Variants in LRPPRC observed in about 807,000 individuals in gnomAD.
LRPPRC encodes leucine rich pentatricopeptide repeat containing.
A neutral mutation model predicts 180.3 loss-of-function variants in LRPPRC; 120 were observed. That is an observed-to-expected ratio of 0.67 (90% CI 0.57 to 0.77). The LOEUF (loss-of-function observed/expected upper bound fraction) is 0.77, where lower values mean the gene tolerates loss of function less well. Among genes scored for constraint, LRPPRC ranks in the 30% least tolerant of loss-of-function variants. LRPPRC has a pLI of 0.00. For missense variants in LRPPRC, 2,012 were observed against 1,657.2 expected (o/e 1.21, Z -3.72); for synonymous variants, 723 against 600.0 (o/e 1.21, Z -3.00).
At chr2:43,893,399 T>C (rs1438175527) in intron 36 of LRPPRC, among the ~76,000 whole-genome samples, 1 of 152,252 alleles carries the variant, frequency 6.6e-6, no homozygotes, top group Non-Finnish European at 1.5e-5. Context: ...TCAGCTGATG[T>C]GGCAAACTTT....
chr2:43,943,007 AAAG>A (rs1156820627), intron 23 of LRPPRC, among the ~76,000 whole-genome samples: 1 of 152,084 alleles, frequency 6.6e-6, no homozygotes, highest in Non-Finnish European at 1.5e-5. Context: ...AAAAGCTGAC[AAAG>A]AAGATCTAGG....
In LRPPRC at chr2:43,899,793, T is replaced by A. The variant is rs114392725; in HGVS notation, c.3570-188A>T. 3.2e-3 allele frequency: 1,919 copies of A among 594,120 alleles called. 27 individuals are homozygous for A. The highest frequency in any genetic ancestry group is 0.031 in the African/African-American group (1,674 of 53,786). The allele number at this position is 594,120 out of a possible 1,614,324, so 36.8% of individuals were successfully genotyped here. A position where few individuals can be genotyped will look rare whatever the true frequency, so the allele number is the denominator to read the frequency against. On this transcript the variant is annotated intron_variant, in intron 32 of 37. Coordinates refer to ENST00000260665, the MANE Select transcript of LRPPRC (RefSeq NM_133259.4). ...GAATCACATTTAAGTAGCAAAAACA[T>A]TCACTAGCTGGTTCGTGCTGCAGTG... is the stretch of plus-strand genomic sequence containing the variant.
At chr2:43,926,047 T>C in intron 25 of LRPPRC, 86 bp from the exon 26 acceptor site, 2 of 782,142 alleles carry the variant, frequency 2.6e-6, no homozygotes, top group South Asian at 1.4e-5. Context: ...TCTTTTCTTA[T>C]GAATTTGCTG....
intron 30 of LRPPRC, among the ~76,000 whole-genome samples, chr2:43,909,401 C>T: frequency 6.6e-6 from 1 of 151,970 alleles, no homozygotes; most frequent in African/African-American, 2.4e-5. Flanking sequence ...GTATGTCAAA[C>T]TCAGAAGCAG....
intron 14 of LRPPRC, among the ~76,000 whole-genome samples, chr2:43,952,644 A>C (rs1445978190): frequency 6.6e-6 from 1 of 152,212 alleles, no homozygotes; most frequent in South Asian, 2.1e-4. Context: ...AAAGTGACCC[A>C]GACTTTGTAC....
intron 30 of LRPPRC, among the ~76,000 whole-genome samples, chr2:43,908,085 T>C (rs1671124099): frequency 6.6e-6 from 1 of 152,124 alleles, no homozygotes; most frequent in East Asian, 1.9e-4. Context: ...AAATCATCAG[T>C]GACAGATATA....
In LRPPRC at chr2:43,943,805, C is replaced by A; in HGVS notation, c.2386G>T (p.Ala796Ser). ...ALSFFHMLNGAALRGEIETVK... is the reference protein window; with the variant it reads ...ALSFFHMLNGSALRGEIETVK... ...GTTTCAATTTCACCTCTTAAAGCTG[C>A]GCCATTTAGCATGTGGAAAAAGGAC... Residue 796 changes from alanine (A) to serine (S), a missense_variant, in exon 23 of 38, where the codon GCA becomes TCA. By Grantham distance (99) the Ala-to-Ser change is moderately conservative. Coordinates refer to ENST00000260665, the MANE Select transcript of LRPPRC (RefSeq NM_133259.4). The A allele has an allele frequency of 6.2e-7, 1 of 1,613,438 alleles. No homozygotes were observed. The highest frequency in any genetic ancestry group is 8.5e-7 in the Non-Finnish European group (1 of 1,179,440).
Position 43,960,622 on chromosome 2 carries a change from G to T in LRPPRC, c.1501C>A (p.Leu501Met). 1 of 1,582,362 alleles carries T rather than the reference G, an allele frequency of 6.3e-7. No individual in the cohort carries two copies. Among genetic ancestry groups the T allele is most frequent in the Non-Finnish European group, 8.7e-7 (1 of 1,152,956 alleles). ...ARAILQENGC[L>M]SDSDMFSQAG... ...TGAGAAAACATATCACTATCAGACAGACATCCATTTTCCTGGAGATAAAGC... is the reference window on the plus strand; with the variant it reads ...TGAGAAAACATATCACTATCAGACATACATCCATTTTCCTGGAGATAAAGC... The change falls in exon 13 of 38, where the codon CTG (leucine) becomes ATG (methionine). Residue 501 changes from leucine to methionine, a missense_variant. Coordinates refer to ENST00000260665, the MANE Select transcript of LRPPRC (RefSeq NM_133259.4).
intron 23 of LRPPRC, among the ~76,000 whole-genome samples, chr2:43,938,274 G>C (rs1040665469): frequency 2.0e-5 from 3 of 151,616 alleles, no homozygotes; most frequent in Non-Finnish European, 2.9e-5. Flanking sequence ...TAAAAAGTAA[G>C]CAATCATTTT....
In LRPPRC at chr2:43,887,932, C is replaced by T. The variant is rs566741940; in HGVS notation, c.*668G>A. ...GCTCTACTTCGGGATAAGTCATGAC[C>T]GAGACTCAATTTCAGAGACGCTCTA... On this transcript the variant is annotated 3_prime_UTR_variant, in exon 38 of 38. Coordinates refer to ENST00000260665, the MANE Select transcript of LRPPRC (RefSeq NM_133259.4). The T allele has an allele frequency of 3.9e-5, 6 of 152,714 alleles. No homozygotes were observed. Among genetic ancestry groups the T allele is most frequent in the African/African-American group, 9.6e-5 (4 of 41,534 alleles). 9.5% of individuals were successfully genotyped at this position (152,714 alleles called of 1,614,324 possible). A position where few individuals can be genotyped will look rare whatever the true frequency, so the allele number is the denominator to read the frequency against.
At chr2:43,948,249 A>C (rs1254325295) in intron 17 of LRPPRC, 50 bp from the exon 18 acceptor site, 1 of 1,069,566 alleles carries the variant, frequency 9.3e-7, no homozygotes, top group East Asian at 2.4e-5. Context: ...TAGACAACCA[A>C]ACTGAAATTT....
chr2:43,926,729 T>C (rs1237483700), intron 25 of LRPPRC, among the ~76,000 whole-genome samples: 1 of 152,150 alleles, frequency 6.6e-6, no homozygotes, highest in Non-Finnish European at 1.5e-5. Context: ...TTTATTCCAA[T>C]AGACTCAGGA....
At chr2:43,937,472 T>C in intron 23 of LRPPRC, among the ~76,000 whole-genome samples, 1 of 152,192 alleles carries the variant, frequency 6.6e-6, no homozygotes, top group Non-Finnish European at 1.5e-5. Context: ...TCACTATTAA[T>C]CTTTCATAAT....
chr2:43,979,764 T>A, intron 3 of LRPPRC, 62 bp downstream of exon 3: 1 of 1,497,930 alleles, frequency 6.7e-7, no homozygotes, highest in Non-Finnish European at 9.3e-7. Context: ...AACAAACACT[T>A]TTTTGCAAAA....
At chr2:43,993,066 GAGAACCTAGAA>G (rs1674858328) in intron 1 of LRPPRC, among the ~76,000 whole-genome samples, 1 of 152,174 alleles carries the variant, frequency 6.6e-6, no homozygotes, top group African/African-American at 2.4e-5. Context: ...CTAAAGAGAA[GAGAACCTAGAA>G]AAATGGTGTC....
At chr2:43,974,081 T>A in intron 9 of LRPPRC, 69 bp downstream of exon 9, 1 of 1,440,378 alleles carries the variant, frequency 6.9e-7, no homozygotes. Flanking sequence ...TTATAAATGT[T>A]CCTATACTTT....
chr2:43,934,167 G>T (rs779818383), intron 25 of LRPPRC, 23 bp downstream of exon 25: 8 of 1,304,602 alleles, frequency 6.1e-6, no homozygotes, highest in South Asian at 1.2e-5. Flanking sequence ...TCTACAATTA[G>T]AACACTGTAG....
chr2:43,903,385 G>T (rs1045543112), intron 31 of LRPPRC: 1 of 152,002 alleles, frequency 6.6e-6, no homozygotes, highest in African/African-American at 2.4e-5. Flanking sequence ...TTTTCTTTCT[G>T]CTTTAGATGG....
At chr2:43,942,419 C>G (rs1672516243) in intron 23 of LRPPRC, among the ~76,000 whole-genome samples, 1 of 152,070 alleles carries the variant, frequency 6.6e-6, no homozygotes, top group South Asian at 2.1e-4. Context: ...CTCAATAACA[C>G]AGTCATTATT....
Sources: allele counts gnomAD v4.1 joint callset (sites outside exome capture counted in the v4.1 genomes callset), GRCh38; gene constraint gnomAD v4.1.1; transcripts MANE v1.5; gene names NCBI Gene and HGNC (gene_info 2026-07-23, HGNC 2026-07-21).